GRIN2B: variants seen among roughly 807,000 people sequenced by gnomAD.
GRIN2B encodes glutamate ionotropic receptor NMDA type subunit 2B.
Under a neutral mutation model 114.5 loss-of-function variants are expected in GRIN2B, and 5 were observed. The observed-to-expected ratio is 0.04, with a 90% CI of 0.02 to 0.09. The LOEUF is 0.09. Ranked by LOEUF, GRIN2B falls within the 10% of genes least tolerant of loss-of-function variation. GRIN2B has a pLI of 1.00. For missense variants in GRIN2B, 1,108 were observed against 1,943.5 expected, an observed-to-expected ratio of 0.57 and a Z score of 8.08; for synonymous variants, 787 against 745.1, an observed-to-expected ratio of 1.06 and a Z score of -0.92.
intron 3 of GRIN2B, among the ~76,000 whole-genome samples, chr12:13,819,006 A>T (rs757502544): frequency 6.6e-6 from 1 of 152,192 alleles, no homozygotes; most frequent in African/African-American, 2.4e-5. Context: ...CAATGTCTAT[A>T]TGTTGAAGGC....
intron 4 of GRIN2B, among the ~76,000 whole-genome samples, chr12:13,713,311 A>G (rs1300590664): frequency 5.9e-5 from 9 of 151,772 alleles, no homozygotes; most frequent in African/African-American, 1.5e-4. Context: ...CCAAATCTCC[A>G]TTCCTATTAG....
At chr12:13,608,249 G>T (rs976754540) in intron 10 of GRIN2B, among the ~76,000 whole-genome samples, 1 of 152,148 alleles carries the variant, frequency 6.6e-6, no homozygotes, top group East Asian at 1.9e-4. Context: ...CCTCGGTGTG[G>T]GTACACGGCG....
chr12:13,872,229 G>A lies in GRIN2B; in HGVS notation c.-18-6003C>T, dbSNP rs185554553. ...ACCTTAAAAATTAGTGGCCAGGCAC[G>A]GTGGCTCACACCTGTAATCCCAGCA... On this transcript the variant is annotated intron_variant, in intron 2 of 13. Coordinates refer to ENST00000609686, the MANE Select transcript of GRIN2B (RefSeq NM_000834.5). 4.4e-3 allele frequency among the ~76,000 whole-genome samples: 672 copies of A among 151,732 alleles called. 5 individuals are homozygous for A. Among genetic ancestry groups the A allele is most frequent in the African/African-American group, 0.015 (640 of 41,422 alleles).
At chr12:13,680,420 G>A (rs1950116955) in intron 4 of GRIN2B, among the ~76,000 whole-genome samples, 1 of 148,812 alleles carries the variant, frequency 6.7e-6, no homozygotes, top group Non-Finnish European at 1.5e-5. Context: ...CAAATCCCCT[G>A]GAAGTCCCAT....
At chr12:13,733,827 G>A (rs949418327) in intron 4 of GRIN2B, among the ~76,000 whole-genome samples, 1 of 152,212 alleles carries the variant, frequency 6.6e-6, no homozygotes, top group Non-Finnish European at 1.5e-5. Flanking sequence ...AAGGAACGTA[G>A]GGCTCACGTC....
chr12:13,815,684 T>C (rs2268130), intron 3 of GRIN2B, among the ~76,000 whole-genome samples: 15,559 of 152,230 alleles, frequency 0.1, 1,014 homozygotes, highest in South Asian at 0.19. Context: ...AAATAAGCTG[T>C]TGCTGCAGAC....
rs372896700 is a variant in GRIN2B at position 13,651,434 on chromosome 12, G to A, written c.1125+24311C>T. 2.6e-5 allele frequency among the ~76,000 whole-genome samples: 4 copies of A among 151,880 alleles called. No homozygotes were observed. The East Asian group carries it at 5.8e-4, about 22-fold the overall frequency. ...TTGGGAAAAGAAACAGAGATGAGAC[G>A]GGAAAGAAAAATATCTCAGTGTAAA... On this transcript the variant is annotated intron_variant, in intron 5 of 13. Coordinates refer to ENST00000609686, the MANE Select transcript of GRIN2B (RefSeq NM_000834.5).
intron 5 of GRIN2B, among the ~76,000 whole-genome samples, chr12:13,641,072 C>CTTA (rs139395602): frequency 0.1 from 15,612 of 149,204 alleles, 999 homozygotes; most frequent in East Asian, 0.22. Context: ...TTGTATCATG[C>CTTA]TTATTATTAT....
At chr12:13,668,188 T>A (rs561677097) in intron 5 of GRIN2B, among the ~76,000 whole-genome samples, 6 of 152,322 alleles carry the variant, frequency 3.9e-5, no homozygotes, top group Non-Finnish European at 8.8e-5. Context: ...CTTCAGTCTC[T>A]GAATTCAATT....
intron 3 of GRIN2B, among the ~76,000 whole-genome samples, chr12:13,823,866 T>C (rs923296606): frequency 6.6e-6 from 1 of 152,178 alleles, no homozygotes; most frequent in Admixed American, 6.5e-5. Flanking sequence ...TGAATGAGTG[T>C]TCAATTTTTT....
chr12:13,648,344 A>T (rs1949782485), intron 5 of GRIN2B, among the ~76,000 whole-genome samples: 1 of 152,010 alleles, frequency 6.6e-6, no homozygotes. Flanking sequence ...CTAATCCAGT[A>T]GCATAGAGAA....
chr12:13,846,737 C>T lies in GRIN2B; in HGVS notation c.411+19061G>A, dbSNP rs146956943. On this transcript the variant is annotated intron_variant, in intron 3 of 13. Transcript: ENST00000609686. ...AGGAATGAATGAGGAAACATATTTG[C>T]GAAGGCAGTAAAAATTCAGTGAGGT... 4.6e-3 allele frequency among the ~76,000 whole-genome samples: 697 copies of T among 152,042 alleles called. 3 individuals are homozygous for T. Among genetic ancestry groups the T allele is most frequent in the South Asian group, 0.014 (65 of 4,814 alleles).
intron 4 of GRIN2B, among the ~76,000 whole-genome samples, chr12:13,717,064 C>CGCGT (rs1950461444): frequency 1.6e-5 from 1 of 61,892 alleles, no homozygotes; most frequent in Non-Finnish European, 3.2e-5. Flanking sequence ...TCATGCCATA[C>CGCGT]GCGTGTGTGT....
chr12:13,955,323 C>T (rs561625704), intron 2 of GRIN2B, among the ~76,000 whole-genome samples: 1 of 152,264 alleles, frequency 6.6e-6, no homozygotes, highest in East Asian at 1.9e-4. Context: ...AACCTAAGTA[C>T]TATTCAGAAA....
chr12:13,809,821 C>T (rs752352079), intron 3 of GRIN2B, among the ~76,000 whole-genome samples: 29 of 152,186 alleles, frequency 1.9e-4, no homozygotes, highest in Non-Finnish European at 3.5e-4. Context: ...CTTCATCCAG[C>T]AATCAGAGTA....
rs761066284 is a variant in GRIN2B, at chr12:13,633,929, C to T, written c.1126-17272G>A. On this transcript the variant is annotated intron_variant, in intron 5 of 13. Transcript: ENST00000609686. Reference sequence around the variant, plus strand: ...ACAGCTGCTGACAGGAGGAATGTGCCGGAATGATGGAAGAGCTGGGTCACA... The same window carrying T: ...ACAGCTGCTGACAGGAGGAATGTGCTGGAATGATGGAAGAGCTGGGTCACA... Among the ~76,000 whole-genome samples, 12 of 151,770 alleles carry T rather than the reference C, an allele frequency of 7.9e-5. No individual in the cohort carries two copies. The East Asian group carries it at 1.5e-3, about 20-fold the overall frequency.
At chr12:13,627,882 C>T (rs1319078692) in intron 5 of GRIN2B, among the ~76,000 whole-genome samples, 1 of 152,238 alleles carries the variant, frequency 6.6e-6, no homozygotes, top group East Asian at 1.9e-4. Flanking sequence ...CTTCCGTCTC[C>T]TCTTCTATTC....
At chr12:13,822,198 A>C (rs1864952447) in intron 3 of GRIN2B, among the ~76,000 whole-genome samples, 1 of 152,218 alleles carries the variant, frequency 6.6e-6, no homozygotes, top group African/African-American at 2.4e-5. Flanking sequence ...CTAGGAAAAA[A>C]TGATGGAATC....
At chr12:13,959,680 G>A (rs1054281719) in intron 2 of GRIN2B, among the ~76,000 whole-genome samples, 1 of 152,116 alleles carries the variant, frequency 6.6e-6, no homozygotes. Flanking sequence ...TGTGCCACTG[G>A]CAACCATAGA....
Sources: gnomAD v4.1 joint callset for allele counts (sites outside exome capture counted in the v4.1 genomes callset) on GRCh38, gnomAD v4.1.1 for gene constraint, MANE v1.5 for transcripts, NCBI Gene and HGNC (gene_info 2026-07-23, HGNC 2026-07-21) for gene names.